MALRD1: variants seen among roughly 807,000 people sequenced by gnomAD.
MALRD1 encodes MAM and LDL-receptor class A domain-containing protein 1.
MALRD1 carries 247 observed loss-of-function variants against 242.1 expected under a neutral mutation model. That is an observed-to-expected ratio of 1.02 (90% CI 0.92 to 1.13). MALRD1 has a LOEUF of 1.13. Among genes scored for constraint, MALRD1 ranks in the 50% most tolerant of loss-of-function variants. The pLI, the probability that MALRD1 is intolerant of heterozygous loss-of-function variation, is 0.00. For synonymous variants in MALRD1, 995 were observed against 866.6 expected (o/e 1.15, Z -2.60); for missense variants, 2,989 against 2,533.1 (o/e 1.18, Z -3.86).
intron 29 of MALRD1, among the ~76,000 whole-genome samples, chr10:19,469,384 A>G (rs765608020): frequency 6.6e-6 from 1 of 152,028 alleles, no homozygotes; most frequent in African/African-American, 2.4e-5. Flanking sequence ...AGCACAGCTG[A>G]TTGTATTGCT....
intron 18 of MALRD1, among the ~76,000 whole-genome samples, chr10:19,255,156 A>G (rs995382836): frequency 8.5e-5 from 13 of 152,138 alleles, no homozygotes; most frequent in Admixed American, 5.9e-4. Flanking sequence ...CAAGACGATG[A>G]TAGTTCTAAT....
intron 18 of MALRD1, among the ~76,000 whole-genome samples, chr10:19,249,768 C>T (rs959846263): frequency 1.3e-5 from 2 of 151,996 alleles, no homozygotes; most frequent in Non-Finnish European, 2.9e-5. Flanking sequence ...ACTTCAGATA[C>T]AATTTCTAAT....
At chr10:19,145,497 AT>A (rs761696976) in intron 10 of MALRD1, among the ~76,000 whole-genome samples, 3 of 151,932 alleles carry the variant, frequency 2.0e-5, no homozygotes, top group Non-Finnish European at 2.9e-5. Flanking sequence ...TAAAAAAAAA[AT>A]ATCCGAGCAT....
At chr10:19,082,208 G>A (rs904676560) in intron 2 of MALRD1, among the ~76,000 whole-genome samples, 1 of 151,178 alleles carries the variant, frequency 6.6e-6, no homozygotes, top group Non-Finnish European at 1.5e-5. Flanking sequence ...TGTTGCCCTA[G>A]GGATTACATT....
chr10:19,389,605 T>C lies in MALRD1; in HGVS notation c.4841T>C (p.Ile1614Thr). 1 of 1,549,826 alleles carries C rather than the reference T, an allele frequency of 6.5e-7. No individual in the cohort carries two copies. The highest frequency in any genetic ancestry group is 8.7e-7 in the Non-Finnish European group (1 of 1,146,578). ...GCCACAGGATCCATTCAGATTCTCA[T>C]CAAGGTAGGAACATGGCCTGTGATG... ...AKATGSIQIL[I>T]KTEKGLSKVW... Residue 1614 changes from isoleucine to threonine, a missense_variant, in exon 28 of 40, where the codon ATC (isoleucine) becomes ACC (threonine). Physicochemically the swap from Ile to Thr is moderately conservative, Grantham distance 89. Coordinates refer to ENST00000454679, the MANE Select transcript of MALRD1 (RefSeq NM_001142308.3).
intron 28 of MALRD1, among the ~76,000 whole-genome samples, chr10:19,398,416 T>C (rs1318513300): frequency 1.3e-5 from 2 of 152,174 alleles, no homozygotes; most frequent in African/African-American, 2.4e-5. Context: ...AGAAGACTTA[T>C]GGAGGATGAA....
intron 19 of MALRD1, among the ~76,000 whole-genome samples, chr10:19,274,392 A>G (rs1008649166): frequency 1.3e-5 from 2 of 152,138 alleles, no homozygotes; most frequent in African/African-American, 4.8e-5. Context: ...CCCCAACGTG[A>G]TGGTATTTGT....
intron 36 of MALRD1, among the ~76,000 whole-genome samples, chr10:19,623,742 T>A (rs1839513516): frequency 6.6e-6 from 1 of 152,114 alleles, no homozygotes; most frequent in Admixed American, 6.6e-5. Flanking sequence ...TTTATTCTAT[T>A]TGGGCTCTCA....
chr10:19,460,943 G>A (rs1328370796), intron 29 of MALRD1, among the ~76,000 whole-genome samples: 2 of 152,168 alleles, frequency 1.3e-5, no homozygotes, highest in South Asian at 2.1e-4. Flanking sequence ...TTCATCTGCT[G>A]TATGTTGGTG....
intron 32 of MALRD1, among the ~76,000 whole-genome samples, chr10:19,549,957 A>G (rs1835409212): frequency 6.6e-6 from 1 of 152,168 alleles, no homozygotes; most frequent in Admixed American, 6.5e-5. Flanking sequence ...ATAGAGAGCA[A>G]TGCCTCTCTA....
intron 31 of MALRD1, among the ~76,000 whole-genome samples, chr10:19,522,371 T>C (rs1334232980): frequency 6.6e-6 from 1 of 152,234 alleles, no homozygotes; most frequent in East Asian, 1.9e-4. Context: ...AGGCCATTAG[T>C]GTGAGGTTTT....
chr10:19,660,971 G>A lies in MALRD1; in HGVS notation c.6138-31311G>A, dbSNP rs138618132. ...GTAACAACCCCATCAAAAAGTGGGCGAAGGATATGAACAGACACTTCTTGA... is the reference window on the plus strand; with the variant it reads ...GTAACAACCCCATCAAAAAGTGGGCAAAGGATATGAACAGACACTTCTTGA... On this transcript the variant is annotated intron_variant, in intron 36 of 39. Transcript: ENST00000454679. Among the ~76,000 whole-genome samples the A allele has an allele frequency of 3.2e-4, 48 of 152,174 alleles. 1 individual carries two copies. The East Asian group carries it at 5.2e-3, about 17-fold the overall frequency.
intron 32 of MALRD1, among the ~76,000 whole-genome samples, chr10:19,560,223 C>T (rs1315187004): frequency 6.6e-6 from 1 of 152,170 alleles, no homozygotes; most frequent in Non-Finnish European, 1.5e-5. Flanking sequence ...AATCCCAGCA[C>T]TTTGGGAGGC....
At chr10:19,173,588 T>C (rs940225370) in intron 13 of MALRD1, among the ~76,000 whole-genome samples, 1 of 152,182 alleles carries the variant, frequency 6.6e-6, no homozygotes, top group African/African-American at 2.4e-5. Flanking sequence ...TCTGATTAAT[T>C]TGTTGTTCTC....
chr10:19,234,869 A>C (rs1244904584), intron 18 of MALRD1, among the ~76,000 whole-genome samples: 1 of 152,162 alleles, frequency 6.6e-6, no homozygotes, highest in Non-Finnish European at 1.5e-5. Context: ...GTGTCACGGA[A>C]GGTGTTGTTT....
intron 38 of MALRD1, among the ~76,000 whole-genome samples, chr10:19,715,401 T>C (rs1236232936): frequency 6.6e-6 from 1 of 150,806 alleles, no homozygotes; most frequent in African/African-American, 2.4e-5. Context: ...ATATAATATT[T>C]ATCTATATAT....
chr10:19,675,651 T>A (rs1842107350), intron 36 of MALRD1, among the ~76,000 whole-genome samples: 1 of 152,220 alleles, frequency 6.6e-6, no homozygotes, highest in Non-Finnish European at 1.5e-5. Context: ...TTAAATGAGA[T>A]AATATATGTA....
intron 36 of MALRD1, among the ~76,000 whole-genome samples, chr10:19,673,344 G>A (rs1049221088): frequency 6.6e-6 from 1 of 152,106 alleles, no homozygotes; most frequent in Non-Finnish European, 1.5e-5. Flanking sequence ...CCGAGATCGC[G>A]CCACTGCACT....
intron 28 of MALRD1, among the ~76,000 whole-genome samples, chr10:19,397,184 C>A (rs1846621149): frequency 6.6e-6 from 1 of 152,002 alleles, no homozygotes; most frequent in African/African-American, 2.4e-5. Flanking sequence ...AAAGAAACAC[C>A]AGGACTTATT....
Sources: gnomAD v4.1 joint callset for allele counts (sites outside exome capture counted in the v4.1 genomes callset) on GRCh38, gnomAD v4.1.1 for gene constraint, MANE v1.5 for transcripts, NCBI Gene and HGNC (gene_info 2026-07-23, HGNC 2026-07-21) for gene names.